The following SYN3 variants were observed in gnomAD, a reference collection of about 807,000 sequenced individuals.
SYN3 encodes the protein synapsin-3.
Under a neutral mutation model 65.8 loss-of-function variants are expected in SYN3, and 35 were observed. That is an observed-to-expected ratio of 0.53 (90% CI 0.41 to 0.70). The LOEUF is 0.70. Among genes scored for constraint, SYN3 ranks in the 30% least tolerant of loss-of-function variants. SYN3 has a pLI of 0.00. For synonymous variants in SYN3, 270 were observed against 292.9 expected (o/e 0.92, Z 0.80); for missense variants, 680 against 749.0 (o/e 0.91, Z 1.08).
At chr22:32,615,649 G>C (rs970121921) in intron 6 of SYN3, among the ~76,000 whole-genome samples, 1 of 152,112 alleles carries the variant, frequency 6.6e-6, no homozygotes, top group South Asian at 2.1e-4. Context: ...GCTCTAATAA[G>C]GGAATCATAC....
At chr22:33,055,926 G>A (rs917637941) in intron 1 of SYN3, among the ~76,000 whole-genome samples, 2 of 152,182 alleles carry the variant, frequency 1.3e-5, no homozygotes, top group Non-Finnish European at 2.9e-5. Flanking sequence ...ATTAGTGGAT[G>A]AATGAATGAT....
chr22:32,775,189 G>T (rs2045879491), intron 6 of SYN3, among the ~76,000 whole-genome samples: 1 of 152,154 alleles, frequency 6.6e-6, no homozygotes, highest in African/African-American at 2.4e-5. Flanking sequence ...GTGCATGCAG[G>T]AGTGTGGAGA....
chr22:32,965,840 G>A (rs1363205366), intron 3 of SYN3, among the ~76,000 whole-genome samples: 9 of 152,100 alleles, frequency 5.9e-5, no homozygotes, highest in East Asian at 1.9e-4. Flanking sequence ...GACTACAGGC[G>A]CCCGCCACCA....
At chr22:32,861,227 A>C (rs1471291108) in intron 6 of SYN3, 1 of 152,130 alleles carries the variant, frequency 6.6e-6, no homozygotes, top group African/African-American at 2.4e-5. Context: ...GCACACACAC[A>C]AGTGCCCAGG....
chr22:32,543,734 G>T (rs568994473), intron 7 of SYN3, among the ~76,000 whole-genome samples: 14 of 152,238 alleles, frequency 9.2e-5, no homozygotes, highest in African/African-American at 3.4e-4. Flanking sequence ...GCTCTGGCCG[G>T]TGAAACCTGG....
At chr22:32,761,624 C>T (rs1259349815) in intron 6 of SYN3, among the ~76,000 whole-genome samples, 2 of 152,170 alleles carry the variant, frequency 1.3e-5, no homozygotes, top group African/African-American at 4.8e-5. Flanking sequence ...TCTGAAACCC[C>T]AGAATGCAGT....
At chr22:32,572,325 TTCCG>T (rs1284686970) in intron 7 of SYN3, among the ~76,000 whole-genome samples, 3 of 68,414 alleles carry the variant, frequency 4.4e-5, no homozygotes, top group Admixed American at 3.7e-4. Flanking sequence ...CTTCCCTTCC[TTCCG>T]TCCCTCCCTT....
chr22:32,939,042 G>T (rs890465164), intron 3 of SYN3, among the ~76,000 whole-genome samples: 7 of 151,984 alleles, frequency 4.6e-5, no homozygotes, highest in African/African-American at 1.7e-4. Flanking sequence ...GAAGGACAAT[G>T]ATACCAGATG....
chr22:32,688,167 C>T (rs2060616586), intron 6 of SYN3, among the ~76,000 whole-genome samples: 1 of 152,146 alleles, frequency 6.6e-6, no homozygotes, highest in South Asian at 2.1e-4. Flanking sequence ...CTCTAATGTC[C>T]AGTGGTACCT....
chr22:32,570,294 C>T (rs1459996639), intron 7 of SYN3, among the ~76,000 whole-genome samples: 1 of 152,128 alleles, frequency 6.6e-6, no homozygotes, highest in South Asian at 2.1e-4. Context: ...TGGCTAGACT[C>T]CTTGTCTGTC....
chr22:32,765,300 T>C (rs1194992131), intron 6 of SYN3, among the ~76,000 whole-genome samples: 2 of 149,332 alleles, frequency 1.3e-5, no homozygotes, highest in African/African-American at 2.5e-5. Flanking sequence ...ATACACCCCA[T>C]CCCACACCCG....
intron 6 of SYN3, among the ~76,000 whole-genome samples, chr22:32,748,686 G>A (rs529702474): frequency 1.3e-5 from 2 of 152,326 alleles, no homozygotes; most frequent in East Asian, 3.9e-4. Flanking sequence ...CCAATCTGGG[G>A]ACAGCGCAGT....
chr22:32,533,985 G>T (rs1601584037), intron 9 of SYN3, 90 bp from the exon 10 acceptor site: 1 of 804,704 alleles, frequency 1.2e-6, no homozygotes, highest in Non-Finnish European at 2.1e-6. Flanking sequence ...GGAAAAACAG[G>T]CAGGGAGGGA....
intron 7 of SYN3, among the ~76,000 whole-genome samples, chr22:32,573,300 A>G (rs2058804790): frequency 6.6e-6 from 1 of 152,218 alleles, no homozygotes; most frequent in Non-Finnish European, 1.5e-5. Context: ...GGACACTCAA[A>G]TGTTCCACAC....
chr22:32,820,786 A>G (rs530467165), intron 6 of SYN3, among the ~76,000 whole-genome samples: 12 of 152,212 alleles, frequency 7.9e-5, no homozygotes, highest in African/African-American at 1.7e-4. Flanking sequence ...TTGAAAGCCA[A>G]GTCAACAGAT....
At chr22:32,778,463 ATT>A (rs11410709) in intron 6 of SYN3, among the ~76,000 whole-genome samples, 86,460 of 151,384 alleles carry the variant, frequency 0.57, 25,181 homozygotes, top group African/African-American at 0.7. Context: ...TAATTTTTGT[ATT>A]TTTTTTTTAG....
intron 4 of SYN3, among the ~76,000 whole-genome samples, chr22:32,891,892 G>A (rs2049457293): frequency 6.6e-6 from 1 of 151,824 alleles, no homozygotes; most frequent in East Asian, 1.9e-4. Flanking sequence ...AGGACCAGAG[G>A]AAATCAGACA....
rs925059704 is a variant in SYN3, at chr22:32,527,831, C to A, written c.1318+87G>T. ...GTATTCAGGTGCATTTTCCCAGAGC[C>A]CCTTGTGGGAATCACATGTGGATCC... On this transcript the variant is annotated intron_variant, in intron 12 of 13. Coordinates refer to ENST00000358763, the MANE Select transcript of SYN3 (RefSeq NM_003490.4). 2.6e-6 allele frequency: 3 copies of A among 1,154,032 alleles called. No homozygotes were observed. In the Admixed American group the frequency reaches 6.4e-5, roughly 25 times the overall value. 71.5% of individuals were successfully genotyped at this position (1,154,032 alleles called of 1,614,324 possible). A position where few individuals can be genotyped will look rare whatever the true frequency, so the allele number is the denominator to read the frequency against.
At chr22:32,645,333 C>T (rs1440976586) in intron 6 of SYN3, among the ~76,000 whole-genome samples, 1 of 151,994 alleles carries the variant, frequency 6.6e-6, no homozygotes, top group Non-Finnish European at 1.5e-5. Flanking sequence ...TGCCTGTAAT[C>T]CCAGCTACTT....
Sources: allele counts gnomAD v4.1 joint callset (sites outside exome capture counted in the v4.1 genomes callset), GRCh38; gene constraint gnomAD v4.1.1; transcripts MANE v1.5; gene names NCBI Gene and HGNC (gene_info 2026-07-23, HGNC 2026-07-21).